Variants in GPATCH2 observed in about 807,000 individuals in gnomAD.
GPATCH2 encodes the protein G-patch domain containing 2.
A neutral mutation model predicts 58.0 loss-of-function variants in GPATCH2; 51 were observed. That is an observed-to-expected ratio of 0.88 (90% confidence interval 0.70 to 1.11). The LOEUF (loss-of-function observed/expected upper bound fraction) is 1.11. Ranked by LOEUF, GPATCH2 falls within the 50% of genes most tolerant of loss-of-function variation. The pLI is 0.00. For missense variants in GPATCH2, 625 were observed against 652.2 expected (o/e 0.96, Z 0.45); for synonymous variants, 222 against 218.5 (o/e 1.02, Z -0.14).
At chr1:217,516,372 A>G (rs1290105652) in intron 5 of GPATCH2, among the ~76,000 whole-genome samples, 1 of 152,214 alleles carries the variant, frequency 6.6e-6, no homozygotes, top group Admixed American at 6.5e-5. Flanking sequence ...GGTTACAAGA[A>G]TGCCAGTATA....
At chr1:217,617,227 A>G (rs552497407) in intron 2 of GPATCH2, among the ~76,000 whole-genome samples, 1 of 152,314 alleles carries the variant, frequency 6.6e-6, no homozygotes, top group East Asian at 1.9e-4. Context: ...AAAACAAAGT[A>G]TGTATTTTCA....
chr1:217,467,534 C>A (rs1230546110), intron 8 of GPATCH2, among the ~76,000 whole-genome samples: 1 of 151,992 alleles, frequency 6.6e-6, no homozygotes, highest in Admixed American at 6.6e-5. Context: ...TCTGAGATTG[C>A]TGTCTGTGTA....
At chr1:217,437,003 G>A (rs1571696593) in intron 9 of GPATCH2, among the ~76,000 whole-genome samples, 1 of 152,178 alleles carries the variant, frequency 6.6e-6, no homozygotes. Context: ...CAGAAGGTGG[G>A]TGATTTCTGC....
intron 5 of GPATCH2, among the ~76,000 whole-genome samples, chr1:217,554,417 T>G (rs1665519913): frequency 6.6e-6 from 1 of 152,166 alleles, no homozygotes; most frequent in Non-Finnish European, 1.5e-5. Flanking sequence ...GAGATCACAT[T>G]AATAACACTA....
intron 6 of GPATCH2, among the ~76,000 whole-genome samples, chr1:217,503,355 T>C (rs1232859661): frequency 6.6e-6 from 1 of 152,130 alleles, no homozygotes; most frequent in Non-Finnish European, 1.5e-5. Context: ...CTGTAATCTA[T>C]TCTTTCTAGA....
chr1:217,456,451 G>A (rs1299160934), intron 8 of GPATCH2, among the ~76,000 whole-genome samples: 1 of 152,134 alleles, frequency 6.6e-6, no homozygotes, highest in Non-Finnish European at 1.5e-5. Flanking sequence ...TGTGTCAGAA[G>A]GCTTCTGAAG....
At chr1:217,489,692 G>T (rs902224979) in intron 8 of GPATCH2, among the ~76,000 whole-genome samples, 1 of 152,004 alleles carries the variant, frequency 6.6e-6, no homozygotes, top group African/African-American at 2.4e-5. Flanking sequence ...GTGAAACCCC[G>T]TCTCTACTAC....
At chr1:217,446,347 T>A (rs1304769610) in intron 9 of GPATCH2, among the ~76,000 whole-genome samples, 1 of 152,182 alleles carries the variant, frequency 6.6e-6, no homozygotes, top group Non-Finnish European at 1.5e-5. Context: ...CTTTATTATG[T>A]GACTGACTCT....
At chr1:217,488,771 A>C (rs1661571532) in intron 8 of GPATCH2, among the ~76,000 whole-genome samples, 1 of 151,918 alleles carries the variant, frequency 6.6e-6, no homozygotes, top group South Asian at 2.1e-4. Context: ...GGCTCACTGT[A>C]AGGTCCAACT....
Position 217,600,458 on chromosome 1 carries a change from A to T in GPATCH2, c.1098+9863T>A, listed in dbSNP as rs539980859. Among the ~76,000 whole-genome samples, 4 of 152,296 alleles carry T rather than the reference A, an allele frequency of 2.6e-5. No homozygotes were observed. In the South Asian group the frequency reaches 8.3e-4, roughly 32 times the overall value. ...TGCAGGTGACTTCCGTATAGAAAGT[A>T]CTTGTTAAATATTATTTGGAAGTGT... On this transcript the variant is annotated intron_variant, in intron 5 of 9. Transcript: ENST00000366935.
At position 217,449,233 on chromosome 1, in the gene GPATCH2, C is replaced by A. The variant is rs1449143246; in HGVS notation, c.1366+16G>T. 2.8e-5 allele frequency: 40 copies of A among 1,405,794 alleles called. No individual in the cohort carries two copies. Among genetic ancestry groups the A allele is most frequent in the Non-Finnish European group, 1.0e-6 (1 of 990,010 alleles). The allele number at this position is 1,405,794 out of a possible 1,614,324, so 87.1% of individuals were successfully genotyped here. A position where few individuals can be genotyped will look rare whatever the true frequency, so the allele number is the denominator to read the frequency against. On this transcript the variant is annotated intron_variant, in intron 9 of 9. Coordinates refer to ENST00000366935, the MANE Select transcript of GPATCH2 (RefSeq NM_018040.5). ...CTCTACATTTGTGCTCCACTCTAAC[C>A]CTGCTTTTGTTTTACCTGCAGTAGT...
chr1:217,491,784 A>C, intron 7 of GPATCH2, 34 bp from the exon 8 acceptor site: 1 of 801,434 alleles, frequency 1.2e-6, no homozygotes, highest in Non-Finnish European at 2.0e-6. Context: ...TCATAGAAAC[A>C]AAAATATTTT....
At chr1:217,463,939 C>A (rs978320762) in intron 8 of GPATCH2, among the ~76,000 whole-genome samples, 1 of 152,094 alleles carries the variant, frequency 6.6e-6, no homozygotes, top group Non-Finnish European at 1.5e-5. Context: ...CACATATCAC[C>A]TAGCCTAATG....
chr1:217,583,942 G>C (rs1437876820), intron 5 of GPATCH2, among the ~76,000 whole-genome samples: 3 of 151,610 alleles, frequency 2.0e-5, no homozygotes, highest in Non-Finnish European at 4.4e-5. Context: ...CATTAAAAAA[G>C]GTAAAACAAA....
chr1:217,491,595 G>A (rs1270167154), intron 8 of GPATCH2, 85 bp downstream of exon 8: 1 of 575,024 alleles, frequency 1.7e-6, no homozygotes, highest in African/African-American at 1.9e-5. Flanking sequence ...TAGAACCAAA[G>A]GCAACCTAAC....
intron 8 of GPATCH2, among the ~76,000 whole-genome samples, chr1:217,454,583 T>G (rs1418418611): frequency 2.2e-5 from 2 of 91,134 alleles, no homozygotes; most frequent in Admixed American, 2.8e-4. Context: ...AGCGAGACTC[T>G]GTCTCAAAAA....
chr1:217,545,032 A>G (rs1181282522), intron 5 of GPATCH2, among the ~76,000 whole-genome samples: 3 of 152,070 alleles, frequency 2.0e-5, no homozygotes, highest in Non-Finnish European at 4.4e-5. Flanking sequence ...CTCCCTGTCT[A>G]CTGGAGCCTT....
chr1:217,535,579 C>T (rs1436637708), intron 5 of GPATCH2, among the ~76,000 whole-genome samples: 1 of 152,164 alleles, frequency 6.6e-6, no homozygotes, highest in Non-Finnish European at 1.5e-5. Context: ...TCTCGATCTC[C>T]TGACCTCGTG....
intron 5 of GPATCH2, among the ~76,000 whole-genome samples, chr1:217,557,163 T>G (rs895926919): frequency 2.0e-5 from 3 of 152,136 alleles, no homozygotes; most frequent in African/African-American, 7.2e-5. Flanking sequence ...TCCCAGCACT[T>G]TGGGAGGCCA....
Sources: allele counts gnomAD v4.1 joint callset (sites outside exome capture counted in the v4.1 genomes callset), GRCh38; gene constraint gnomAD v4.1.1; transcripts MANE v1.5; gene names NCBI Gene and HGNC (gene_info 2026-07-23, HGNC 2026-07-21).